The following GFI1 variants were observed in gnomAD, a reference collection of about 807,000 sequenced individuals.
GFI1 encodes the protein zinc finger protein Gfi-1.
In GFI1, 15 loss-of-function variants were observed where a neutral mutation model predicts 39.2. The observed-to-expected ratio is 0.38, with a 90% CI of 0.26 to 0.59. The LOEUF (loss-of-function observed/expected upper bound fraction) is 0.59, where lower values mean the gene tolerates loss of function less well. Ranked by LOEUF, GFI1 falls within the 20% of genes least tolerant of loss-of-function variation. The probability of loss-of-function intolerance (pLI) is 0.62; values close to 1 mark genes in which losing one functional copy is unlikely to be tolerated. For synonymous variants in GFI1, 239 were observed against 254.3 expected (o/e 0.94, Z 0.57); for missense variants, 475 against 574.0 (o/e 0.83, Z 1.76).
Position 92,480,434 on chromosome 1 carries a change from C to T in GFI1, c.838G>A (p.Gly280Ser), listed in dbSNP as rs958605699. ...ATCTCGCAGGCAAAGGGTCTGGTAC[C>T]GCTGTGGGACCTGCGCACGTGCACC... ...LEVHVRRSHSGTRPFACEMCG... is the reference protein window; with the variant it reads ...LEVHVRRSHSSTRPFACEMCG... The change falls in exon 5 of 7, where the codon GGT becomes AGT. Residue 280 changes from glycine to serine, a missense_variant. Gly to Ser is a moderately conservative substitution (Grantham distance 56). This residue lies in a region of GFI1 where 112 missense variants were observed against 202.8 expected (regional missense o/e 0.55). Coordinates refer to ENST00000294702, the MANE Select transcript of GFI1 (RefSeq NM_005263.5). This position sits in a 1 kb window ranked among gnomAD's most constrained non-coding sequence, Gnocchi z 5.6. 6.4e-7 allele frequency: 1 copy of T among 1,550,410 alleles called. No homozygotes were observed. Among genetic ancestry groups the T allele is most frequent in the Non-Finnish European group, 8.7e-7 (1 of 1,146,664 alleles).
chr1:92,478,797 C>T, intron 5 of GFI1, 44 bp from the exon 6 acceptor site: 2 of 754,060 alleles, frequency 2.7e-6, no homozygotes, highest in Non-Finnish European at 1.9e-6. Context: ...GAGAGAGATG[C>T]AGAACTCCTA....
rs549413832 is a variant in GFI1 at position 92,482,336 on chromosome 1, G to A, written c.298+528C>T. 6.6e-6 allele frequency among the ~76,000 whole-genome samples: 1 copy of A among 152,228 alleles called. No homozygotes were observed. The highest frequency in any genetic ancestry group is 2.4e-5 in the African/African-American group (1 of 41,530). On this transcript the variant is annotated intron_variant, in intron 3 of 6. Coordinates refer to ENST00000294702, the MANE Select transcript of GFI1 (RefSeq NM_005263.5). The surrounding 1 kb of genome is among the most constrained non-coding windows in gnomAD (Gnocchi z 4.4). Reference sequence around the variant, plus strand: ...TGAAACCCAGAGAGCAGGCCCCTGAGGCTAGGTTAACCCGGCAAAACGAAA... The same window carrying A: ...TGAAACCCAGAGAGCAGGCCCCTGAAGCTAGGTTAACCCGGCAAAACGAAA...
Position 92,478,574 on chromosome 1 carries a change from C to T in GFI1, c.1090+14G>A, listed in dbSNP as rs189638200. 17 of 1,612,850 alleles carry T rather than the reference C, an allele frequency of 1.1e-5. No individual in the cohort carries two copies. The East Asian group carries it at 3.8e-4, about 36-fold the overall frequency. On this transcript the variant is annotated intron_variant, in intron 6 of 6. Coordinates refer to ENST00000294702, the MANE Select transcript of GFI1 (RefSeq NM_005263.5). ...CAGGGTGTTTCCTACAAGCCAAGGG[C>T]CTTTTTAGCTCACCAGTGTGGATGA... is the stretch of plus-strand genomic sequence containing the variant.
intron 1 of GFI1, among the ~76,000 whole-genome samples, chr1:92,485,422 A>C (rs1370123076): frequency 6.6e-6 from 1 of 152,176 alleles, no homozygotes; most frequent in Non-Finnish European, 1.5e-5. Flanking sequence ...GGTAACTGTC[A>C]GCGCCGGAGC....
intron 5 of GFI1, among the ~76,000 whole-genome samples, chr1:92,479,422 G>C (rs1280758177): frequency 6.6e-6 from 1 of 152,178 alleles, no homozygotes; most frequent in Admixed American, 6.5e-5. Context: ...ATATTTACTT[G>C]CTCATCTACT....
chr1:92,483,361 C>A lies in GFI1; in HGVS notation c.115+12G>T. 6.8e-7 allele frequency: 1 copy of A among 1,476,760 alleles called. No homozygotes were observed. The highest frequency in any genetic ancestry group is 9.3e-7 in the Non-Finnish European group (1 of 1,069,656). The allele number at this position is 1,476,760 out of a possible 1,614,324, so 91.5% of individuals were successfully genotyped here. On this transcript the variant is annotated intron_variant, in intron 2 of 6. Transcript: ENST00000294702. ...GGGGAGCAGCCCCGCCTGGCCCGCG[C>A]GCGCCTCGCACCTGCTCGGCTAGGC...
intron 1 of GFI1, among the ~76,000 whole-genome samples, chr1:92,485,573 G>A (rs1229588488): frequency 6.6e-6 from 1 of 152,140 alleles, no homozygotes; most frequent in African/African-American, 2.4e-5. Flanking sequence ...GGAGATAGGG[G>A]CCCCGGGGCC....
In GFI1 at chr1:92,482,331, C is replaced by G. The variant is rs1366215534; in HGVS notation, c.298+533G>C. Reference sequence around the variant, plus strand: ...GGAAATGAAACCCAGAGAGCAGGCCCCTGAGGCTAGGTTAACCCGGCAAAA... The same window carrying G: ...GGAAATGAAACCCAGAGAGCAGGCCGCTGAGGCTAGGTTAACCCGGCAAAA... On this transcript the variant is annotated intron_variant, in intron 3 of 6. Transcript: ENST00000294702. This position sits in a 1 kb window ranked among gnomAD's most constrained non-coding sequence, Gnocchi z 4.4. 6.6e-6 allele frequency among the ~76,000 whole-genome samples: 1 copy of G among 152,050 alleles called. No individual in the cohort carries two copies. Among genetic ancestry groups the G allele is most frequent in the Non-Finnish European group, 1.5e-5 (1 of 68,018 alleles).
rs75416306 is a variant in GFI1 at position 92,481,955 on chromosome 1, G to GCGCGCGCC, written c.299-868_299-867insGGCGCGCG. Among the ~76,000 whole-genome samples, 1 of 516 alleles carries GCGCGCGCC rather than the reference G, an allele frequency of 1.9e-3. No individual in the cohort carries two copies. Among genetic ancestry groups the GCGCGCGCC allele is most frequent in the African/African-American group, 9.4e-3 (1 of 106 alleles). 0.3% of individuals were successfully genotyped at this position (516 alleles called of 152,430 possible). ...TACAAATGTGTGTGTGTGTGTGTGC[G>GCGCGCGCC]CACAACACTCCAGTTCAGGCTGGCC... is the stretch of plus-strand genomic sequence containing the variant. On this transcript the variant is annotated intron_variant, in intron 3 of 6. Coordinates refer to ENST00000294702, the MANE Select transcript of GFI1 (RefSeq NM_005263.5). The surrounding 1 kb of genome is among the most constrained non-coding windows in gnomAD (Gnocchi z 4.3).
At chr1:92,477,765 A>G (rs890965124) in intron 6 of GFI1, among the ~76,000 whole-genome samples, 1 of 152,258 alleles carries the variant, frequency 6.6e-6, no homozygotes, top group African/African-American at 2.4e-5. Context: ...TACTTTGTAA[A>G]TTATAAAGCA....
Position 92,481,706 on chromosome 1 carries a change from C to A in GFI1, c.299-618G>T, listed in dbSNP as rs549430154. 6.6e-6 allele frequency among the ~76,000 whole-genome samples: 1 copy of A among 152,296 alleles called. No homozygotes were observed. The highest frequency in any genetic ancestry group is 1.9e-4 in the East Asian group (1 of 5,172). ...CCCAGTGTACGTAGCAAAGGAGCAG[C>A]AGGAAAGGGGCTTTTGGGCTTAAAT... On this transcript the variant is annotated intron_variant, in intron 3 of 6. Transcript: ENST00000294702. The surrounding 1 kb of genome is among the most constrained non-coding windows in gnomAD (Gnocchi z 4.3).
In GFI1 at chr1:92,474,130, C is replaced by T. The variant is rs372446393; in HGVS notation, c.*1899G>A. 2.0e-5 allele frequency among the ~76,000 whole-genome samples: 3 copies of T among 152,212 alleles called. No homozygotes were observed. The highest frequency in any genetic ancestry group is 3.8e-4 in the East Asian group (2 of 5,198). On this transcript the variant is annotated 3_prime_UTR_variant, in exon 7 of 7. Coordinates refer to ENST00000294702, the MANE Select transcript of GFI1 (RefSeq NM_005263.5). ...AAGGATTGACTTATGCAAAAAACTC[C>T]CACAGGTGGGACAGAACCAGAAATA... is the stretch of plus-strand genomic sequence containing the variant.
Position 92,480,550 on chromosome 1 carries a change from G to C in GFI1, c.786+51C>G, listed in dbSNP as rs1221732538. 1 of 1,544,086 alleles carries C rather than the reference G, an allele frequency of 6.5e-7. No individual in the cohort carries two copies. The highest frequency in any genetic ancestry group is 1.4e-5 in the African/African-American group (1 of 72,966). ...GCCGCGGGGCGCAGGCGAGGCGCGGGTAGGGGAAGCGGGCGCACGGCAGGC... is the reference window on the plus strand; with the variant it reads ...GCCGCGGGGCGCAGGCGAGGCGCGGCTAGGGGAAGCGGGCGCACGGCAGGC... On this transcript the variant is annotated intron_variant, in intron 4 of 6. Coordinates refer to ENST00000294702, the MANE Select transcript of GFI1 (RefSeq NM_005263.5). The surrounding 1 kb of genome is among the most constrained non-coding windows in gnomAD (Gnocchi z 5.6).
rs1295635698 is a variant in GFI1 at position 92,481,104 on chromosome 1, G to C, written c.299-16C>G. ...TTCTCCGAGGCTGTGGAGGCACAAG[G>C]GGAGCGTCCGGTCAGGCTTCAGACG... On this transcript the variant is annotated splice_polypyrimidine_tract_variant and intron_variant, in intron 3 of 6. Transcript: ENST00000294702. This position sits in a 1 kb window ranked among gnomAD's most constrained non-coding sequence, Gnocchi z 4.3. 1.9e-6 allele frequency: 3 copies of C among 1,602,902 alleles called. No individual in the cohort carries two copies. Among genetic ancestry groups the C allele is most frequent in the Non-Finnish European group, 2.6e-6 (3 of 1,173,352 alleles).
At chr1:92,477,015 G>A (rs571965213) in intron 6 of GFI1, among the ~76,000 whole-genome samples, 70 of 152,272 alleles carry the variant, frequency 4.6e-4, no homozygotes, top group South Asian at 2.5e-3. Context: ...GTGTTGTTGG[G>A]TAAATGGCAT....
rs536602565 is a variant in GFI1 at position 92,478,005 on chromosome 1, C to T, written c.1090+583G>A. On this transcript the variant is annotated intron_variant, in intron 6 of 6. Coordinates refer to ENST00000294702, the MANE Select transcript of GFI1 (RefSeq NM_005263.5). ...GCAGATTACCTAGCCTCATTTTTTT[C>T]ATCTCTAAAATGGGGAGAAGGAGTA... 7.5e-4 allele frequency among the ~76,000 whole-genome samples: 114 copies of T among 152,274 alleles called. 1 individual carries two copies. The highest frequency in any genetic ancestry group is 2.6e-3 in the African/African-American group (108 of 41,548).
rs766732454 is a variant in GFI1, at chr1:92,481,011, C to T, written c.376G>A (p.Gly126Ser). 2 of 1,611,250 alleles carry T rather than the reference C, an allele frequency of 1.2e-6. No individual in the cohort carries two copies. The highest frequency in any genetic ancestry group is 1.1e-5 in the South Asian group (1 of 90,824). ...TGCCGCAGGTCAGAACCCGCCAGGC[C>T]GCTCCATGAGTACGGTTTGAAAGGC... Reference protein sequence around the residue: ...PLPFKPYSWSGLAGSDLRHLV... With the variant: ...PLPFKPYSWSSLAGSDLRHLV... The change falls in exon 4 of 7, where the codon GGC becomes AGC. Residue 126 changes from glycine (G) to serine (S), a missense_variant. Gly to Ser is a moderately conservative substitution (Grantham distance 56, BLOSUM62 0). Transcript: ENST00000294702. This position sits in a 1 kb window ranked among gnomAD's most constrained non-coding sequence, Gnocchi z 4.3.
rs1248281382 is a variant in GFI1, at chr1:92,474,169, T to A, written c.*1860A>T. ...GAACCAGAAATAACCCAGATCCTCA[T>A]GGGCCTTTAGATTTGTGACTTGCAT... On this transcript the variant is annotated 3_prime_UTR_variant, in exon 7 of 7. Coordinates refer to ENST00000294702, the MANE Select transcript of GFI1 (RefSeq NM_005263.5). Among the ~76,000 whole-genome samples the A allele has an allele frequency of 6.6e-6, 1 of 152,242 alleles. No homozygotes were observed. The highest frequency in any genetic ancestry group is 6.5e-5 in the Admixed American group (1 of 15,286).
At position 92,481,006 on chromosome 1, in the gene GFI1, C is replaced by T; in HGVS notation, c.381G>A (p.Leu127=). The part of the protein sequence containing the change: ...LPFKPYSWSG[L]AGSDLRHLVQ... ...CCAGGTGCCGCAGGTCAGAACCCGCCAGGCCGCTCCATGAGTACGGTTTGA... is the reference window on the plus strand; with the variant it reads ...CCAGGTGCCGCAGGTCAGAACCCGCTAGGCCGCTCCATGAGTACGGTTTGA... The change falls in exon 4 of 7, where the codon CTG becomes CTA. Residue 127 remains leucine (L), a synonymous_variant. Coordinates refer to ENST00000294702, the MANE Select transcript of GFI1 (RefSeq NM_005263.5). The surrounding 1 kb of genome is among the most constrained non-coding windows in gnomAD (Gnocchi z 4.3). 1.9e-6 allele frequency: 3 copies of T among 1,610,424 alleles called. No homozygotes were observed. Among genetic ancestry groups the T allele is most frequent in the Non-Finnish European group, 2.5e-6 (3 of 1,178,782 alleles).
Sources: gnomAD v4.1 joint callset for allele counts (sites outside exome capture counted in the v4.1 genomes callset) on GRCh38, gnomAD v4.1.1 for gene constraint, gnomAD v4.1.1 regional missense constraint, Gnocchi (gnomAD v3.1) non-coding constraint, MANE v1.5 for transcripts, NCBI Gene and HGNC (gene_info 2026-07-23, HGNC 2026-07-21) for gene names.